The following KCNAB1 variants were observed in gnomAD, a reference collection of about 807,000 sequenced individuals.
The protein encoded by KCNAB1 is potassium voltage-gated channel subfamily A regulatory beta subunit 1.
KCNAB1 carries 35 observed loss-of-function variants against 64.6 expected under a neutral mutation model. The ratio of observed to expected loss-of-function variants is 0.54; its 90% CI spans 0.41 to 0.72. The LOEUF (loss-of-function observed/expected upper bound fraction) is 0.72. KCNAB1 is among the 30% of genes least tolerant of loss of function. The pLI is 0.00. For missense variants in KCNAB1, 401 were observed against 512.9 expected (o/e 0.78, Z 2.11); for synonymous variants, 177 against 183.8 (o/e 0.96, Z 0.30).
chr3:156,468,106 T>G (rs1022961326), intron 7 of KCNAB1, among the ~76,000 whole-genome samples: 1 of 152,180 alleles, frequency 6.6e-6, no homozygotes, highest in Non-Finnish European at 1.5e-5. Flanking sequence ...CATTGTGAAC[T>G]TTTTTCTCTC....
intron 1 of KCNAB1, among the ~76,000 whole-genome samples, chr3:156,164,927 A>C (rs1334935325): frequency 6.6e-6 from 1 of 152,212 alleles, no homozygotes; most frequent in Non-Finnish European, 1.5e-5. Context: ...TGCTGTTTAC[A>C]TTTTTGTTAC....
intron 1 of KCNAB1, among the ~76,000 whole-genome samples, chr3:156,362,737 A>G (rs1183099269): frequency 6.6e-6 from 1 of 152,230 alleles, no homozygotes; most frequent in Admixed American, 6.5e-5. Flanking sequence ...GGAAAGTTGT[A>G]TTCTCTAGAC....
chr3:156,344,612 A>T (rs1482524250), intron 1 of KCNAB1, among the ~76,000 whole-genome samples: 1 of 152,232 alleles, frequency 6.6e-6, no homozygotes, highest in Non-Finnish European at 1.5e-5. Context: ...TTAATATCAG[A>T]TAATAAGTTC....
At chr3:156,349,809 C>A (rs912849974) in intron 1 of KCNAB1, among the ~76,000 whole-genome samples, 12 of 152,182 alleles carry the variant, frequency 7.9e-5, no homozygotes, top group African/African-American at 2.9e-4. Flanking sequence ...CAGCAATCCA[C>A]CTGCGTCAGC....
chr3:156,279,116 CT>C (rs1375473336), intron 1 of KCNAB1, among the ~76,000 whole-genome samples: 1 of 149,918 alleles, frequency 6.7e-6, no homozygotes, highest in South Asian at 2.2e-4. Flanking sequence ...TCCCTCCCCC[CT>C]CCCACCACCC....
intron 1 of KCNAB1, among the ~76,000 whole-genome samples, chr3:156,213,678 CCTT>C (rs1715151452): frequency 6.6e-6 from 1 of 152,188 alleles, no homozygotes; most frequent in Non-Finnish European, 1.5e-5. Context: ...TTGTCATCTG[CCTT>C]TGTTTTGGAG....
intron 1 of KCNAB1, among the ~76,000 whole-genome samples, chr3:156,133,198 A>G (rs1714104354): frequency 6.6e-6 from 1 of 152,184 alleles, no homozygotes; most frequent in Non-Finnish European, 1.5e-5. Flanking sequence ...AAACAATTCC[A>G]CAAGTGGGAT....
intron 1 of KCNAB1, among the ~76,000 whole-genome samples, chr3:156,388,738 T>A (rs1009640343): frequency 6.6e-6 from 1 of 152,198 alleles, no homozygotes; most frequent in African/African-American, 2.4e-5. Flanking sequence ...ATGCCTCACA[T>A]CCTGTGGGCA....
intron 1 of KCNAB1, among the ~76,000 whole-genome samples, chr3:156,148,897 A>G (rs1327279569): frequency 6.6e-6 from 1 of 151,700 alleles, no homozygotes; most frequent in Admixed American, 6.6e-5. Flanking sequence ...ATCTACTCAG[A>G]AAGTGTTTGT....
intron 1 of KCNAB1, chr3:156,273,734 T>C: frequency 2.2e-6 from 1 of 444,872 alleles, no homozygotes; most frequent in Non-Finnish European, 4.5e-6. Flanking sequence ...TTTGTGTAGA[T>C]AGTTGTCAGA....
chr3:156,362,382 A>G (rs537778109), intron 1 of KCNAB1, among the ~76,000 whole-genome samples: 2 of 152,356 alleles, frequency 1.3e-5, no homozygotes, highest in South Asian at 4.1e-4. Flanking sequence ...AACTTGATCA[A>G]CATCTGATTA....
At chr3:156,154,105 T>G (rs1715573956) in intron 1 of KCNAB1, among the ~76,000 whole-genome samples, 1 of 152,240 alleles carries the variant, frequency 6.6e-6, no homozygotes, top group Admixed American at 6.5e-5. Context: ...TGAGTTACCT[T>G]GACCAGAATG....
intron 1 of KCNAB1, among the ~76,000 whole-genome samples, chr3:156,299,386 G>A (rs987630092): frequency 7.9e-5 from 12 of 152,186 alleles, no homozygotes; most frequent in African/African-American, 2.9e-4. Context: ...CTGCCACAGA[G>A]GCTCTTCACT....
At chr3:156,449,967 C>G (rs1041364565) in intron 2 of KCNAB1, among the ~76,000 whole-genome samples, 5 of 152,176 alleles carry the variant, frequency 3.3e-5, no homozygotes, top group African/African-American at 1.2e-4. Flanking sequence ...ATGACATTAA[C>G]AGTTAAAAAA....
At chr3:156,420,588 G>A (rs1205831543) in intron 1 of KCNAB1, among the ~76,000 whole-genome samples, 1 of 152,198 alleles carries the variant, frequency 6.6e-6, no homozygotes, top group Non-Finnish European at 1.5e-5. Flanking sequence ...TGTTTCCTTT[G>A]GTGTGGGAGC....
chr3:156,401,750 G>C (rs1443794515), intron 1 of KCNAB1, among the ~76,000 whole-genome samples: 10 of 152,142 alleles, frequency 6.6e-5, no homozygotes, highest in Admixed American at 6.5e-4. Flanking sequence ...TGTCCAAAAT[G>C]AGCCAAATTA....
intron 1 of KCNAB1, among the ~76,000 whole-genome samples, chr3:156,284,361 T>C (rs1719952051): frequency 6.6e-6 from 1 of 152,186 alleles, no homozygotes; most frequent in South Asian, 2.1e-4. Flanking sequence ...GAACCACTGC[T>C]CTCTTCAAAG....
At chr3:156,466,663 A>T (rs1385488468) in intron 7 of KCNAB1, among the ~76,000 whole-genome samples, 7 of 152,168 alleles carry the variant, frequency 4.6e-5, no homozygotes, top group Non-Finnish European at 8.8e-5. Context: ...ACATATGCAT[A>T]AAAAATGTGT....
rs774706014 is a variant in KCNAB1, at chr3:156,120,610, C to T, written c.-2C>T. 1.1e-5 allele frequency: 18 copies of T among 1,613,790 alleles called. No individual in the cohort carries two copies. The East Asian group carries it at 1.3e-4, about 12-fold the overall frequency. ...TCCAGTCTTCTCTGAAAGATCTCCA[C>T]GATGCTGGCAGCCCGGACAGGGGCA... On this transcript the variant is annotated 5_prime_UTR_variant, in exon 1 of 14. The change creates a new upstream start codon in the 5' untranslated region. Transcript: ENST00000490337.
Sources: allele counts gnomAD v4.1 joint callset (sites outside exome capture counted in the v4.1 genomes callset), GRCh38; gene constraint gnomAD v4.1.1; transcripts MANE v1.5; gene names NCBI Gene and HGNC (gene_info 2026-07-23, HGNC 2026-07-21).